FNTB: variants seen among roughly 807,000 people sequenced by gnomAD.
FNTB encodes the protein farnesyltransferase, CAAX box, subunit beta.
Under a neutral mutation model 59.4 loss-of-function variants are expected in FNTB, and 27 were observed. That is an observed-to-expected ratio of 0.45 (90% CI 0.34 to 0.63). The LOEUF (loss-of-function observed/expected upper bound fraction) is 0.63, where lower values mean the gene tolerates loss of function less well. Among genes scored for constraint, FNTB ranks in the 20% least tolerant of loss-of-function variants. The pLI is 0.02. For synonymous variants in FNTB, 230 were observed against 220.7 expected (o/e 1.04, Z -0.37); for missense variants, 449 against 559.6 (o/e 0.80, Z 1.99).
chr14:65,061,586 C>A lies in FNTB; in HGVS notation c.*274C>A. ...AGTGCATGCCAGGAGGAAGCAGTCC[C>A]TCCTCACCAGCTCTCCAGCCAGGAC... On this transcript the variant is annotated 3_prime_UTR_variant, in exon 12 of 12. Coordinates refer to ENST00000246166, the MANE Select transcript of FNTB (RefSeq NM_002028.4). The A allele has an allele frequency of 2.8e-6, 1 of 357,938 alleles. No homozygotes were observed. Among genetic ancestry groups the A allele is most frequent in the Non-Finnish European group, 5.2e-6 (1 of 190,600 alleles). 22.2% of individuals were successfully genotyped at this position (357,938 alleles called of 1,614,324 possible).
chr14:65,019,959 G>T (rs911315821), intron 4 of FNTB, among the ~76,000 whole-genome samples: 3 of 152,206 alleles, frequency 2.0e-5, no homozygotes, highest in Admixed American at 2.0e-4. Context: ...TTTGAAATGC[G>T]TTCAGTTTTC....
rs1207422102 is a variant in FNTB at position 65,032,117 on chromosome 14, T to C, written c.606-493T>C. ...CCTGTTCCTATCCTTGTTTGATCTATTACAATTTGGTGGCCTGTTTTGCAG... is the reference window on the plus strand; with the variant it reads ...CCTGTTCCTATCCTTGTTTGATCTACTACAATTTGGTGGCCTGTTTTGCAG... On this transcript the variant is annotated intron_variant, in intron 6 of 11. Transcript: ENST00000246166. The surrounding 1 kb of genome is among the most constrained non-coding windows in gnomAD (Gnocchi z 5.0). 1.3e-5 allele frequency among the ~76,000 whole-genome samples: 2 copies of C among 152,026 alleles called. No individual in the cohort carries two copies. The highest frequency in any genetic ancestry group is 4.8e-5 in the African/African-American group (2 of 41,382).
chr14:65,027,709 T>G lies in FNTB; in HGVS notation c.533T>G (p.Leu178Arg). 2 of 1,614,222 alleles carry G rather than the reference T, an allele frequency of 1.2e-6. No individual in the cohort carries two copies. The highest frequency in any genetic ancestry group is 1.7e-6 in the Non-Finnish European group (2 of 1,180,046). Residue 178 changes from leucine to arginine, a missense_variant, in exon 6 of 12, where the codon CTT becomes CGT. Coordinates refer to ENST00000246166, the MANE Select transcript of FNTB (RefSeq NM_002028.4). This position sits in a 1 kb window ranked among gnomAD's most constrained non-coding sequence, Gnocchi z 5.7. The part of the protein sequence containing the change: ...AYDIINREKL[L>R]QYLYSLKQPD... Reference sequence around the variant, plus strand: ...TCCCTGTTTCTCAGAGAGAAGCTTCTTCAGTATTTGTACTCCCTGAAGCAA... The same window carrying G: ...TCCCTGTTTCTCAGAGAGAAGCTTCGTCAGTATTTGTACTCCCTGAAGCAA...
intron 1 of FNTB, among the ~76,000 whole-genome samples, chr14:64,993,838 CT>C (rs1198706709): frequency 0.03 from 4,445 of 147,300 alleles, 88 homozygotes; most frequent in Non-Finnish European, 0.048. Context: ...GATTGGATTT[CT>C]TTTTTTTTTT....
At chr14:65,024,875 TC>T (rs1340428453) in intron 4 of FNTB, among the ~76,000 whole-genome samples, 18 of 152,308 alleles carry the variant, frequency 1.2e-4, no homozygotes, top group African/African-American at 4.1e-4. Flanking sequence ...TGCCTTGGCC[TC>T]CCAAAGTACT....
intron 3 of FNTB, chr14:65,015,415 T>TTA (rs1475860670): frequency 3.7e-6 from 1 of 268,490 alleles, no homozygotes; most frequent in Non-Finnish European, 7.0e-6. Context: ...GTTATCTTTT[T>TTA]TTTTTTTTTT....
rs116502145 is a variant in FNTB, at chr14:65,012,212, C to T, written c.210-105C>T. On this transcript the variant is annotated intron_variant, in intron 2 of 11. Transcript: ENST00000246166. This position sits in a 1 kb window ranked among gnomAD's most constrained non-coding sequence, Gnocchi z 5.0. ...TATCCAGTCAGTGATTGCAGGGGGA[C>T]GTCCTGAAGCTGAGTGTTTACCCGT... 2,417 of 1,392,636 alleles carry T rather than the reference C, an allele frequency of 1.7e-3. 41 individuals carry two copies. In the South Asian group the frequency reaches 0.02, roughly 11 times the overall value. 86.3% of individuals were successfully genotyped at this position (1,392,636 alleles called of 1,614,324 possible). A position where few individuals can be genotyped will look rare whatever the true frequency, so the allele number is the denominator to read the frequency against.
At chr14:65,005,925 T>C (rs1282051204) in intron 2 of FNTB, among the ~76,000 whole-genome samples, 1 of 152,216 alleles carries the variant, frequency 6.6e-6, no homozygotes, top group Non-Finnish European at 1.5e-5. Context: ...CCATGGCACC[T>C]GGCCGAGAGA....
intron 4 of FNTB, among the ~76,000 whole-genome samples, chr14:65,022,935 C>G (rs565067472): frequency 6.6e-6 from 1 of 152,134 alleles, no homozygotes; most frequent in South Asian, 2.1e-4. Flanking sequence ...CTATTTGTAC[C>G]TGTTGCATTT....
intron 4 of FNTB, among the ~76,000 whole-genome samples, chr14:65,019,733 A>G (rs1309812176): frequency 6.6e-6 from 1 of 152,136 alleles, no homozygotes; most frequent in African/African-American, 2.4e-5. Flanking sequence ...CTTCCCAATA[A>G]TGTATTTTGC....
In FNTB at chr14:65,011,472, C is replaced by G. The variant is rs114370689; in HGVS notation, c.210-845C>G. ...AAAAAAGACTGCATGAAGGCTCTTACTCTGAGCCAAGTACAGTGGGAATTT... is the reference window on the plus strand; with the variant it reads ...AAAAAAGACTGCATGAAGGCTCTTAGTCTGAGCCAAGTACAGTGGGAATTT... On this transcript the variant is annotated intron_variant, in intron 2 of 11. Coordinates refer to ENST00000246166, the MANE Select transcript of FNTB (RefSeq NM_002028.4). The surrounding 1 kb of genome is among the most constrained non-coding windows in gnomAD (Gnocchi z 4.0). Among the ~76,000 whole-genome samples, 1 of 148,968 alleles carries G rather than the reference C, an allele frequency of 6.7e-6. No individual in the cohort carries two copies. Among genetic ancestry groups the G allele is most frequent in the Non-Finnish European group, 1.5e-5 (1 of 67,394 alleles).
chr14:64,998,636 T>TGA (rs1353736688), intron 1 of FNTB, among the ~76,000 whole-genome samples: 1 of 152,196 alleles, frequency 6.6e-6, no homozygotes, highest in Non-Finnish European at 1.5e-5. Flanking sequence ...GTCCCTGGCT[T>TGA]TATTTGTCAG....
intron 7 of FNTB, 126 bp from the exon 8 acceptor site, chr14:65,040,664 C>G: frequency 1.8e-6 from 1 of 567,742 alleles, no homozygotes; most frequent in Non-Finnish European, 2.3e-6. Flanking sequence ...GGCATCTTTT[C>G]ATTCATAGTT....
Position 65,011,431 on chromosome 14 carries a change from GAAAAAAAAAAA to G in FNTB, c.210-875_210-865del. On this transcript the variant is annotated intron_variant, in intron 2 of 11. Transcript: ENST00000246166. The surrounding 1 kb of genome is among the most constrained non-coding windows in gnomAD (Gnocchi z 4.0). The stretch of plus-strand genomic sequence containing the variant: ...GTGACAGAGCGAGACTCCGTCTCAG[GAAAAAAAAAAA>G]AAAAAAAAAAGACTGCATGAAGGCT... Among the ~76,000 whole-genome samples the G allele has an allele frequency of 1.2e-5, 1 of 80,082 alleles. No homozygotes were observed. Among genetic ancestry groups the G allele is most frequent in the East Asian group, 3.2e-4 (1 of 3,168 alleles). The allele number at this position is 80,082 out of a possible 152,430, so 52.5% of individuals were successfully genotyped here. A position where few individuals can be genotyped will look rare whatever the true frequency, so the allele number is the denominator to read the frequency against.
chr14:64,995,941 G>T (rs1280132275), intron 1 of FNTB, among the ~76,000 whole-genome samples: 2 of 150,684 alleles, frequency 1.3e-5, no homozygotes, highest in African/African-American at 4.9e-5. Context: ...TGGCCAACTT[G>T]GTCAAACCCT....
intron 4 of FNTB, chr14:65,016,371 A>G (rs2061773451): frequency 6.6e-6 from 1 of 152,238 alleles, no homozygotes; most frequent in Admixed American, 6.5e-5. Flanking sequence ...TCATGACTCC[A>G]GTCCTAGGGA....
Position 65,011,811 on chromosome 14 carries a change from G to T in FNTB, c.210-506G>T, listed in dbSNP as rs1232065145. Among the ~76,000 whole-genome samples the T allele has an allele frequency of 6.6e-6, 1 of 152,228 alleles. No homozygotes were observed. Among genetic ancestry groups the T allele is most frequent in the Non-Finnish European group, 1.5e-5 (1 of 68,042 alleles). On this transcript the variant is annotated intron_variant, in intron 2 of 11. Transcript: ENST00000246166. The surrounding 1 kb of genome is among the most constrained non-coding windows in gnomAD (Gnocchi z 4.0). The stretch of plus-strand genomic sequence containing the variant: ...CACACGTGGGAGGTGGAATTTCAGG[G>T]AGAGAATAATAGTTGGATAACCGAG...
At chr14:65,008,122 C>G (rs1447378703) in intron 2 of FNTB, among the ~76,000 whole-genome samples, 1 of 152,218 alleles carries the variant, frequency 6.6e-6, no homozygotes, top group Non-Finnish European at 1.5e-5. Context: ...CAAATAAGTT[C>G]ACCTTTCCTC....
intron 1 of FNTB, among the ~76,000 whole-genome samples, chr14:65,003,921 T>C (rs1318218633): frequency 6.6e-6 from 1 of 152,176 alleles, no homozygotes; most frequent in Non-Finnish European, 1.5e-5. Context: ...GGGTGGCATA[T>C]GCTCTCCCAC....
Sources: allele counts gnomAD v4.1 joint callset (sites outside exome capture counted in the v4.1 genomes callset), GRCh38; gene constraint gnomAD v4.1.1; non-coding constraint Gnocchi (gnomAD v3.1); transcripts MANE v1.5; gene names NCBI Gene and HGNC (gene_info 2026-07-23, HGNC 2026-07-21).